The following CASTOR2 variants were observed in gnomAD, a reference collection of about 807,000 sequenced individuals.
CASTOR2 encodes GATS protein like 2.
A neutral mutation model predicts 31.2 loss-of-function variants in CASTOR2; 8 were observed. The observed-to-expected ratio is 0.26, with a 90% CI of 0.15 to 0.46. The LOEUF (loss-of-function observed/expected upper bound fraction) is 0.46, where lower values mean the gene tolerates loss of function less well. Ranked by LOEUF, CASTOR2 falls within the 20% of genes least tolerant of loss-of-function variation. The probability of loss-of-function intolerance (pLI) is 0.99; values close to 1 mark genes in which losing one functional copy is unlikely to be tolerated. For synonymous variants in CASTOR2, 162 were observed against 158.7 expected (o/e 1.02, Z -0.16); for missense variants, 216 against 382.1 (o/e 0.57, Z 3.62).
chr7:74,976,983 GA>G (rs1337791378), intron 1 of CASTOR2, among the ~76,000 whole-genome samples: 1 of 149,902 alleles, frequency 6.7e-6, no homozygotes, highest in African/African-American at 2.5e-5. Flanking sequence ...TCAGTAGTTC[GA>G]GACCAGCCCG....
intron 1 of CASTOR2, among the ~76,000 whole-genome samples, chr7:74,977,343 C>T (rs1311838510): frequency 6.6e-6 from 1 of 151,604 alleles, no homozygotes; most frequent in Non-Finnish European, 1.5e-5. Context: ...TGTCCAAGGT[C>T]CCTGTGGGCC....
chr7:75,006,675 T>C (rs1417626361), intron 1 of CASTOR2, among the ~76,000 whole-genome samples: 1 of 152,120 alleles, frequency 6.6e-6, no homozygotes, highest in East Asian at 1.9e-4. Context: ...GTGGAGATAA[T>C]TGAATCATGG....
Position 75,019,052 on chromosome 7 carries a change from G to A in CASTOR2, c.592G>A (p.Ala198Thr). 13 of 1,551,924 alleles carry A rather than the reference G, an allele frequency of 8.4e-6. No individual in the cohort carries two copies. Among genetic ancestry groups the A allele is most frequent in the Non-Finnish European group, 1.1e-5 (13 of 1,147,042 alleles). ...VTSLDPDTLP[A>T]VATLLMDVMF... ...CAGCCTGGACCCTGACACGCTGCCT[G>A]CTGTTGCCACACTCCTCATGGATGT... Residue 198 changes from alanine (A) to threonine (T), a missense_variant, in exon 5 of 9, where the codon GCT (alanine) becomes ACT (threonine). Physicochemically the swap from Ala to Thr is moderately conservative, Grantham distance 58. This residue lies in a region of CASTOR2 where 5 missense variants were observed against 31.3 expected (regional missense o/e 0.16). Transcript: ENST00000616305.
intron 6 of CASTOR2, among the ~76,000 whole-genome samples, chr7:75,021,390 G>A (rs891881566): frequency 6.0e-4 from 91 of 152,176 alleles, no homozygotes; most frequent in Non-Finnish European, 1.0e-3. Flanking sequence ...GCCTCCCAAA[G>A]TGCTGGGATT....
At chr7:74,997,222 A>AT (rs1203331058) in intron 1 of CASTOR2, among the ~76,000 whole-genome samples, 2 of 150,294 alleles carry the variant, frequency 1.3e-5, no homozygotes, top group Admixed American at 1.3e-4. Context: ...CCCTGCTAAT[A>AT]TTTTTTTTTA....
chr7:75,022,920 A>C (rs1230066574), intron 7 of CASTOR2, among the ~76,000 whole-genome samples: 4 of 152,264 alleles, frequency 2.6e-5, no homozygotes, highest in Non-Finnish European at 5.9e-5. Context: ...CAATTTTTTA[A>C]CATGTTTTCT....
intron 4 of CASTOR2, 29 bp downstream of exon 4, chr7:75,018,151 G>T (rs1804909854): frequency 6.2e-7 from 1 of 1,610,772 alleles, no homozygotes; most frequent in Admixed American, 1.7e-5. Context: ...TTTGTGCAGG[G>T]GAAACCTCAC....
At position 75,026,362 on chromosome 7, in the gene CASTOR2, G is replaced by A. The variant is rs1805132506; in HGVS notation, c.*1663G>A. ...GCACCACCACGTCTGGCTAGTTATT[G>A]TATTTTTTAATAGAGACGGGATTTC... On this transcript the variant is annotated 3_prime_UTR_variant, in exon 9 of 9. Coordinates refer to ENST00000616305, the MANE Select transcript of CASTOR2 (RefSeq NM_001145064.3). 6.6e-6 allele frequency among the ~76,000 whole-genome samples: 1 copy of A among 151,786 alleles called. No homozygotes were observed. Among genetic ancestry groups the A allele is most frequent in the Non-Finnish European group, 1.5e-5 (1 of 67,980 alleles).
At chr7:75,000,583 G>T (rs1337877284) in intron 1 of CASTOR2, among the ~76,000 whole-genome samples, 1 of 152,114 alleles carries the variant, frequency 6.6e-6, no homozygotes, top group African/African-American at 2.4e-5. Flanking sequence ...AGCCTCTCTG[G>T]TTTGGGTGGG....
At chr7:74,990,137 C>CCAG (rs1336406393) in intron 1 of CASTOR2, among the ~76,000 whole-genome samples, 1 of 151,942 alleles carries the variant, frequency 6.6e-6, no homozygotes, top group African/African-American at 2.4e-5. Flanking sequence ...TCCTGTCATC[C>CCAG]CAGCACTTTG....
chr7:74,989,578 A>ATT lies in CASTOR2; in HGVS notation c.114-18401_114-18400dup, dbSNP rs34719360. 4.0e-3 allele frequency among the ~76,000 whole-genome samples: 521 copies of ATT among 131,186 alleles called. 8 individuals are homozygous for ATT. Among genetic ancestry groups the ATT allele is most frequent in the Middle Eastern group, 0.012 (3 of 254 alleles). 86.1% of individuals were successfully genotyped at this position (131,186 alleles called of 152,430 possible). Reference sequence around the variant, plus strand: ...CTGAGACTAACCACTGTGTCCGCCTATTTTTTTTTTTTTTTTCTGTAGAGA... The same window carrying ATT: ...CTGAGACTAACCACTGTGTCCGCCTATTTTTTTTTTTTTTTTTTCTGTAGAGA... On this transcript the variant is annotated intron_variant, in intron 1 of 8. Transcript: ENST00000616305.
chr7:74,999,513 A>G (rs1804441181), intron 1 of CASTOR2, among the ~76,000 whole-genome samples: 5 of 150,538 alleles, frequency 3.3e-5, no homozygotes, highest in Non-Finnish European at 5.9e-5. Flanking sequence ...TTAGCAGAAC[A>G]AAGCTGGGCA....
chr7:74,983,209 G>C (rs1445495021), intron 1 of CASTOR2, among the ~76,000 whole-genome samples: 1 of 131,370 alleles, frequency 7.6e-6, no homozygotes, highest in Non-Finnish European at 1.6e-5. Flanking sequence ...ACAGGGTTTC[G>C]CCATGTTGGC....
intron 1 of CASTOR2, among the ~76,000 whole-genome samples, chr7:74,984,926 G>A (rs1192967737): frequency 6.6e-6 from 1 of 152,200 alleles, no homozygotes; most frequent in Non-Finnish European, 1.5e-5. Flanking sequence ...GAGGTCAGGA[G>A]TTCAAGACCA....
chr7:75,019,370 A>G (rs71539253), intron 5 of CASTOR2, among the ~76,000 whole-genome samples: 41,480 of 151,334 alleles, frequency 0.27, 5,978 homozygotes, highest in Middle Eastern at 0.43. Context: ...GACCCTCCCC[A>G]GAGCTAGTCT....
chr7:75,023,719 C>T (rs953802954), intron 7 of CASTOR2, among the ~76,000 whole-genome samples: 3 of 152,000 alleles, frequency 2.0e-5, no homozygotes, highest in African/African-American at 4.8e-5. Flanking sequence ...GGATTACAGG[C>T]GTGAGCCACC....
Position 75,021,902 on chromosome 7 carries a change from G to A in CASTOR2, c.775G>A (p.Ala259Thr). Residue 259 changes from alanine (A) to threonine (T), a missense_variant, in exon 7 of 9, where the codon GCA becomes ACA. Coordinates refer to ENST00000616305, the MANE Select transcript of CASTOR2 (RefSeq NM_001145064.3). ...TCCTAGTAACTTGCTGTTCACAAGC[G>A]CATCCGGAGAGCTCTGGAAGATGGT... ...RFPSNLLFTS[A>T]SGELWKMVRI... 5.8e-6 allele frequency: 9 copies of A among 1,551,842 alleles called. No homozygotes were observed. Among genetic ancestry groups the A allele is most frequent in the African/African-American group, 1.4e-5 (1 of 73,160 alleles).
chr7:75,013,401 T>C (rs1236651423), intron 2 of CASTOR2, among the ~76,000 whole-genome samples: 1 of 152,094 alleles, frequency 6.6e-6, no homozygotes, highest in Non-Finnish European at 1.5e-5. Flanking sequence ...TCCCAGCCCT[T>C]TGGGAGGCTG....
rs950140630 is a variant in CASTOR2, at chr7:75,026,485, C to T, written c.*1786C>T. Reference sequence around the variant, plus strand: ...GATTACAGGCGTGAGCCACCACACCCAGCCGAGTTGTGCTGTTTCTGTGGT... The same window carrying T: ...GATTACAGGCGTGAGCCACCACACCTAGCCGAGTTGTGCTGTTTCTGTGGT... On this transcript the variant is annotated 3_prime_UTR_variant, in exon 9 of 9. Transcript: ENST00000616305. 3.3e-5 allele frequency among the ~76,000 whole-genome samples: 5 copies of T among 152,126 alleles called. No individual in the cohort carries two copies. The highest frequency in any genetic ancestry group is 7.4e-5 in the Non-Finnish European group (5 of 68,010).
Sources: gnomAD v4.1 joint callset for allele counts (sites outside exome capture counted in the v4.1 genomes callset) on GRCh38, gnomAD v4.1.1 for gene constraint, gnomAD v4.1.1 regional missense constraint, MANE v1.5 for transcripts, NCBI Gene and HGNC (gene_info 2026-07-23, HGNC 2026-07-21) for gene names.